MTAP: variants seen among roughly 807,000 people sequenced by gnomAD.
The protein encoded by MTAP is methylthioadenosine phosphorylase.
A neutral mutation model predicts 33.6 loss-of-function variants in MTAP; 33 were observed. That is an observed-to-expected ratio of 0.98 (90% confidence interval 0.74 to 1.31). The LOEUF is 1.31. Ranked by LOEUF, MTAP falls within the 40% of genes most tolerant of loss-of-function variation. The pLI, the probability that MTAP is intolerant of heterozygous loss-of-function variation, is 0.00. For synonymous variants in MTAP, 148 were observed against 125.7 expected (o/e 1.18, Z -1.19); for missense variants, 367 against 360.0 (o/e 1.02, Z -0.16).
chr9:21,909,898 G>A (rs968479821), intron 1 of MTAP, among the ~76,000 whole-genome samples: 1 of 152,118 alleles, frequency 6.6e-6, no homozygotes, highest in African/African-American at 2.4e-5. Flanking sequence ...AATAACAGTG[G>A]CATAACCAGA....
intron 1 of MTAP, among the ~76,000 whole-genome samples, chr9:21,886,490 A>G (rs1008889841): frequency 2.6e-5 from 4 of 151,984 alleles, no homozygotes; most frequent in African/African-American, 7.3e-5. Flanking sequence ...CTTTTGTTGC[A>G]TTTGCTTTTG....
chr9:21,924,459 A>G (rs564747432), intron 1 of MTAP, among the ~76,000 whole-genome samples: 60 of 152,342 alleles, frequency 3.9e-4, no homozygotes, highest in African/African-American at 1.4e-3. Context: ...AATATGCTCT[A>G]TCAGCTAGAT....
chr9:21,864,643 C>T lies in MTAP; in HGVS notation c.*2629C>T, dbSNP rs571668778. On this transcript the variant is annotated 3_prime_UTR_variant, in exon 8 of 8. Coordinates refer to ENST00000644715, the MANE Select transcript of MTAP (RefSeq NM_002451.4). ...CTGTTCACTGCCCCCTTCGCTAGCACGAGTTGCTGTGCAGGGCTGGAGGTA... is the reference window on the plus strand; with the variant it reads ...CTGTTCACTGCCCCCTTCGCTAGCATGAGTTGCTGTGCAGGGCTGGAGGTA... 29 of 985,348 alleles carry T rather than the reference C, an allele frequency of 2.9e-5. No individual in the cohort carries two copies. The highest frequency in any genetic ancestry group is 6.1e-5 in the Admixed American group (1 of 16,266). 61.0% of individuals were successfully genotyped at this position (985,348 alleles called of 1,614,324 possible).
downstream of MTAP, chr9:21,934,394 A>G (rs1050574104): frequency 2.0e-5 from 3 of 152,246 alleles, no homozygotes; most frequent in Non-Finnish European, 4.4e-5. The surrounding 1 kb of genome is among the most constrained non-coding windows in gnomAD (Gnocchi z 5.0). Context: ...TCTCTTTAAC[A>G]GTATGATACG....
chr9:21,839,845 T>G (rs1411311646), intron 5 of MTAP, among the ~76,000 whole-genome samples: 1 of 152,032 alleles, frequency 6.6e-6, no homozygotes, highest in Admixed American at 6.5e-5. Context: ...TACAAAGAAG[T>G]AAGTATGTAA....
chr9:21,816,182 T>G (rs1483648829), intron 2 of MTAP, among the ~76,000 whole-genome samples: 1 of 152,166 alleles, frequency 6.6e-6, no homozygotes, highest in Non-Finnish European at 1.5e-5. Context: ...AATTCTTAGG[T>G]TGACCTTGTG....
rs1455106492 is a variant in MTAP, at chr9:21,802,658, C to T, written c.-91C>T. On this transcript the variant is annotated 5_prime_UTR_variant, in exon 1 of 8. Coordinates refer to ENST00000644715, the MANE Select transcript of MTAP (RefSeq NM_002451.4). ...GGTCTCCGCACTGCTCACTCCCGCG[C>T]AGTGAGGTTGGCACAGCCACCGCTC... 32 of 1,446,522 alleles carry T rather than the reference C, an allele frequency of 2.2e-5. No individual in the cohort carries two copies. Among genetic ancestry groups the T allele is most frequent in the Non-Finnish European group, 3.0e-5 (31 of 1,038,184 alleles). 89.6% of individuals were successfully genotyped at this position (1,446,522 alleles called of 1,614,324 possible).
chr9:21,812,139 A>AG, intron 1 of MTAP: 1 of 192,992 alleles, frequency 5.2e-6, no homozygotes, highest in South Asian at 1.0e-4. Context: ...GCTGGTCAGC[A>AG]GGGGGAAGCC....
chr9:21,893,318 A>G (rs1818230491), intron 1 of MTAP: 1 of 152,190 alleles, frequency 6.6e-6, no homozygotes, highest in Non-Finnish European at 1.5e-5. Flanking sequence ...CAAATAAACA[A>G]TCTAACATTA....
At chr9:21,803,914 G>A (rs1054960482) in intron 1 of MTAP, among the ~76,000 whole-genome samples, 4 of 152,190 alleles carry the variant, frequency 2.6e-5, no homozygotes, top group African/African-American at 4.8e-5. Flanking sequence ...CACTTAGAAT[G>A]AGAGGAATGG....
chr9:21,919,560 TG>T (rs1818752418), intron 1 of MTAP, among the ~76,000 whole-genome samples: 1 of 152,242 alleles, frequency 6.6e-6, no homozygotes, highest in Non-Finnish European at 1.5e-5. Flanking sequence ...ACCAGGGTTT[TG>T]GTTTTGCCAT....
rs572495878 is a variant in MTAP, at chr9:21,907,311, C to T, written c.148-23697C>T. 3.9e-5 allele frequency among the ~76,000 whole-genome samples: 6 copies of T among 152,294 alleles called. No homozygotes were observed. In the South Asian group the frequency reaches 1.2e-3, roughly 32 times the overall value. On this transcript the variant is annotated intron_variant, in intron 1 of 1. Coordinates refer to the MTAP transcript ENST00000577563. ...CCTATAACCCCAGCACTTTGGGAGG[C>T]CAAGGCAGGCCGAGGTGGGCAGATT...
intron 1 of MTAP, among the ~76,000 whole-genome samples, chr9:21,912,959 A>C (rs1351699009): frequency 6.6e-6 from 1 of 152,242 alleles, no homozygotes. Flanking sequence ...ATCAATGTAC[A>C]AAAATCACAA....
chr9:21,851,337 T>C (rs915478218), intron 5 of MTAP, among the ~76,000 whole-genome samples: 1 of 152,226 alleles, frequency 6.6e-6, no homozygotes, highest in Non-Finnish European at 1.5e-5. Flanking sequence ...TATTTCCTCC[T>C]CCTTTTGTTA....
chr9:21,894,919 C>T (rs568847633), intron 1 of MTAP, among the ~76,000 whole-genome samples: 1 of 152,134 alleles, frequency 6.6e-6, no homozygotes, highest in East Asian at 1.9e-4. Flanking sequence ...AATGCAGTCC[C>T]ATTCACAATA....
Position 21,864,185 on chromosome 9 carries a change from G to A in MTAP, c.*2171G>A, listed in dbSNP as rs886063790. 3 of 985,312 alleles carry A rather than the reference G, an allele frequency of 3.0e-6. No homozygotes were observed. The highest frequency in any genetic ancestry group is 3.6e-6 in the Non-Finnish European group (3 of 829,910). The allele number at this position is 985,312 out of a possible 1,614,324, so 61.0% of individuals were successfully genotyped here. On this transcript the variant is annotated 3_prime_UTR_variant, in exon 8 of 8. Transcript: ENST00000644715. ...TTTCTTGATTAAATAGCCTTCTCTA[G>A]CAACATCATTTTCAGACTAACTAAA... is the stretch of plus-strand genomic sequence containing the variant.
intron 1 of MTAP, among the ~76,000 whole-genome samples, chr9:21,812,554 T>C (rs1370648959): frequency 6.6e-6 from 1 of 152,256 alleles, no homozygotes; most frequent in Non-Finnish European, 1.5e-5. Flanking sequence ...TAGAATTAAC[T>C]GGACTGAGGA....
intron 1 of MTAP, among the ~76,000 whole-genome samples, chr9:21,872,219 T>C (rs10123158): frequency 0.65 from 98,664 of 152,012 alleles, 33,768 homozygotes; most frequent in African/African-American, 0.86. Context: ...AGGCTGAGCT[T>C]AGCAGGAAAA....
intron 1 of MTAP, among the ~76,000 whole-genome samples, chr9:21,912,227 T>A (rs367586290): frequency 1.3e-5 from 2 of 152,212 alleles, no homozygotes; most frequent in African/African-American, 4.8e-5. Context: ...GTACCATTCC[T>A]TCTGAAACTA....
Sources: gnomAD v4.1 joint callset for allele counts (sites outside exome capture counted in the v4.1 genomes callset) on GRCh38, gnomAD v4.1.1 for gene constraint, Gnocchi (gnomAD v3.1) non-coding constraint, MANE v1.5 for transcripts, NCBI Gene and HGNC (gene_info 2026-07-23, HGNC 2026-07-21) for gene names.